Variants in PTPRD observed in about 807,000 individuals in gnomAD.
PTPRD encodes receptor-type tyrosine-protein phosphatase delta.
Under a neutral mutation model 214.5 loss-of-function variants are expected in PTPRD, and 34 were observed. That is an observed-to-expected ratio of 0.16 (90% CI 0.12 to 0.21). PTPRD has a LOEUF of 0.21. Ranked by LOEUF, PTPRD falls within the 10% of genes least tolerant of loss-of-function variation. The pLI, the probability that PTPRD is intolerant of heterozygous loss-of-function variation, is 1.00. For synonymous variants in PTPRD, 1,128 were observed against 845.7 expected (o/e 1.33, Z -5.79); for missense variants, 2,545 against 2,398.7 (o/e 1.06, Z -1.27).
chr9:8,662,859 A>T (rs1357467963), intron 12 of PTPRD, among the ~76,000 whole-genome samples: 6 of 152,156 alleles, frequency 3.9e-5, no homozygotes, highest in Non-Finnish European at 8.8e-5. Flanking sequence ...TTACCTTTTT[A>T]TGATGATTAT....
At chr9:8,475,790 AGT>A (rs2096751501) in intron 30 of PTPRD, among the ~76,000 whole-genome samples, 1 of 152,044 alleles carries the variant, frequency 6.6e-6, no homozygotes, top group African/African-American at 2.4e-5. Context: ...CCCTATCTCC[AGT>A]GCACGTGCTT....
At chr9:9,191,419 G>A (rs2099935092) in intron 9 of PTPRD, among the ~76,000 whole-genome samples, 1 of 152,036 alleles carries the variant, frequency 6.6e-6, no homozygotes, top group Non-Finnish European at 1.5e-5. Context: ...TCTCGTGAGA[G>A]GTCTGGAGCA....
chr9:9,841,510 T>A (rs905505813), intron 5 of PTPRD, among the ~76,000 whole-genome samples: 3 of 152,030 alleles, frequency 2.0e-5, no homozygotes, highest in East Asian at 3.9e-4. Context: ...TACAATAAAT[T>A]TTAGTTAGTA....
At chr9:8,409,349 C>T (rs2093329699) in intron 35 of PTPRD, among the ~76,000 whole-genome samples, 1 of 152,176 alleles carries the variant, frequency 6.6e-6, no homozygotes, top group African/African-American at 2.4e-5. Flanking sequence ...GCCCAGCCAC[C>T]ATAAGATGCT....
intron 39 of PTPRD, among the ~76,000 whole-genome samples, chr9:8,356,728 T>G (rs1370949210): frequency 6.6e-6 from 1 of 152,216 alleles, no homozygotes; most frequent in Non-Finnish European, 1.5e-5. Context: ...CAGACTCAGC[T>G]GCAGGCAGGC....
chr9:9,618,071 CAAAAAAAAAAAAAAA>C (rs34125624), intron 7 of PTPRD, among the ~76,000 whole-genome samples: 4 of 23,010 alleles, frequency 1.7e-4, no homozygotes, highest in South Asian at 3.3e-3. Flanking sequence ...GACTCCATCT[CAAAAAAAAAAAAAAA>C]AAAAAAAAAA....
At chr9:9,338,128 A>G (rs2045317134) in intron 9 of PTPRD, among the ~76,000 whole-genome samples, 1 of 152,204 alleles carries the variant, frequency 6.6e-6, no homozygotes. Context: ...ATTATGGAAA[A>G]GCTGCTAATT....
chr9:10,362,172 A>G (rs893069642), intron 2 of PTPRD, among the ~76,000 whole-genome samples: 2 of 152,146 alleles, frequency 1.3e-5, no homozygotes, highest in African/African-American at 2.4e-5. Context: ...TCGCTCAACA[A>G]TCATACTCAG....
intron 11 of PTPRD, among the ~76,000 whole-genome samples, chr9:8,892,632 TGTGTATATATATGTGTATATATATGA>T (rs2098550649): frequency 2.7e-5 from 4 of 148,518 alleles, no homozygotes; most frequent in Non-Finnish European, 5.9e-5. Context: ...TATATATATG[TGTGTATATATATGTGTATATATATGA>T]GTGTATATAT....
chr9:9,926,852 CA>C (rs1166383279), intron 5 of PTPRD, among the ~76,000 whole-genome samples: 1 of 152,108 alleles, frequency 6.6e-6, no homozygotes, highest in Non-Finnish European at 1.5e-5. Context: ...TGTACATTTT[CA>C]GTGTTATATC....
In PTPRD at chr9:10,141,566, G is replaced by C. The variant is rs555432214; in HGVS notation, c.-544-107776C>G. 2.2e-3 allele frequency among the ~76,000 whole-genome samples: 336 copies of C among 151,616 alleles called. 2 individuals are homozygous for C. Among genetic ancestry groups the C allele is most frequent in the African/African-American group, 7.7e-3 (316 of 40,964 alleles). On this transcript the variant is annotated intron_variant, in intron 3 of 45. Coordinates refer to ENST00000381196, the MANE Select transcript of PTPRD (RefSeq NM_002839.4). ...CAAGGGATGTGAAGGACCTCTCCAA[G>C]GAGAACTACAAACCACTGCTCAACG...
At chr9:8,544,616 C>T (rs1032074569) in intron 14 of PTPRD, among the ~76,000 whole-genome samples, 6 of 151,314 alleles carry the variant, frequency 4.0e-5, no homozygotes, top group Non-Finnish European at 7.4e-5. Flanking sequence ...ATTACAGGCG[C>T]CAGCCACTGT....
At chr9:9,341,426 A>T (rs761531786) in intron 9 of PTPRD, among the ~76,000 whole-genome samples, 4 of 152,194 alleles carry the variant, frequency 2.6e-5, no homozygotes, top group Non-Finnish European at 4.4e-5. Context: ...CTCCTTTGTG[A>T]ACCCCACTTC....
chr9:9,669,860 T>A (rs905622466), intron 7 of PTPRD, among the ~76,000 whole-genome samples: 1 of 152,170 alleles, frequency 6.6e-6, no homozygotes, highest in Admixed American at 6.5e-5. Context: ...CAAATGTCAA[T>A]GATTATAGCC....
intron 4 of PTPRD, among the ~76,000 whole-genome samples, chr9:9,948,269 C>T (rs186601954): frequency 1.5e-4 from 23 of 152,180 alleles, no homozygotes; most frequent in African/African-American, 4.8e-4. Flanking sequence ...TCTCTATCAA[C>T]ACGACTTTCA....
At chr9:9,527,329 G>C (rs2074355675) in intron 8 of PTPRD, among the ~76,000 whole-genome samples, 1 of 152,212 alleles carries the variant, frequency 6.6e-6, no homozygotes, top group Non-Finnish European at 1.5e-5. Context: ...AGAACTTAAT[G>C]ACAGTCAGAA....
intron 2 of PTPRD, among the ~76,000 whole-genome samples, chr9:10,453,419 T>C (rs2098865420): frequency 1.3e-5 from 2 of 151,656 alleles, no homozygotes; most frequent in African/African-American, 4.8e-5. Flanking sequence ...ATTTTAGCAA[T>C]ATTAATTGTT....
intron 37 of PTPRD, among the ~76,000 whole-genome samples, chr9:8,384,305 A>C (rs1011443116): frequency 2.6e-5 from 4 of 152,158 alleles, no homozygotes; most frequent in Non-Finnish European, 4.4e-5. Flanking sequence ...TGAAACATGG[A>C]AACAATTAGA....
At chr9:8,558,206 G>A (rs371013893) in intron 14 of PTPRD, among the ~76,000 whole-genome samples, 3 of 152,134 alleles carry the variant, frequency 2.0e-5, no homozygotes, top group African/African-American at 7.2e-5. Flanking sequence ...TTTCCTCCAG[G>A]ATCATTAATT....
Sources: gnomAD v4.1 joint callset for allele counts (sites outside exome capture counted in the v4.1 genomes callset) on GRCh38, gnomAD v4.1.1 for gene constraint, MANE v1.5 for transcripts, NCBI Gene and HGNC (gene_info 2026-07-23, HGNC 2026-07-21) for gene names.